The following MTIF2 variants were observed in gnomAD, a reference collection of about 807,000 sequenced individuals.
The protein encoded by MTIF2 is translation initiation factor IF-2, mitochondrial.
Under a neutral mutation model 83.5 loss-of-function variants are expected in MTIF2, and 71 were observed. The ratio of observed to expected loss-of-function variants is 0.85; its 90% CI spans 0.70 to 1.04. The LOEUF (loss-of-function observed/expected upper bound fraction) is 1.04, where lower values mean the gene tolerates loss of function less well. MTIF2 is among the 50% of genes least tolerant of loss of function. The probability of loss-of-function intolerance (pLI) is 0.00; values close to 1 mark genes in which losing one functional copy is unlikely to be tolerated. For synonymous variants in MTIF2, 319 were observed against 287.1 expected (o/e 1.11, Z -1.12); for missense variants, 957 against 846.5 (o/e 1.13, Z -1.62).
intron 8 of MTIF2, 129 bp downstream of exon 8, chr2:55,252,348 T>C: frequency 1.3e-6 from 1 of 778,702 alleles, no homozygotes; most frequent in East Asian, 2.6e-5. Flanking sequence ...AAACAATTTA[T>C]CTTTGAGGCT....
Position 55,240,117 on chromosome 2 carries a change from T to C in MTIF2, c.1764A>G (p.Lys588=). 6.2e-7 allele frequency: 1 copy of C among 1,614,066 alleles called. No homozygotes were observed. The highest frequency in any genetic ancestry group is 8.5e-7 in the Non-Finnish European group (1 of 1,179,992). Residue 588 remains lysine, a synonymous_variant, in exon 14 of 16, where the codon AAA becomes AAG. Coordinates refer to ENST00000263629, the MANE Select transcript of MTIF2 (RefSeq NM_002453.3). Reference sequence around the variant, plus strand: ...TGTGAAGTTTAATTTTTACTCCTTTTTTTGCAGCTGACTGTTGGATAACAT... The same window carrying C: ...TGTGAAGTTTAATTTTTACTCCTTTCTTTGCAGCTGACTGTTGGATAACAT... ...AGNVIQQSAA[K]KGVKIKLHKI...
Position 55,263,678 on chromosome 2 carries a change from C to A in MTIF2, c.181G>T (p.Ala61Ser), listed in dbSNP as rs796266398. Residue 61 changes from alanine (A) to serine (S), a missense_variant, in exon 4 of 16, where the codon GCT (alanine) becomes TCT (serine). Coordinates refer to ENST00000263629, the MANE Select transcript of MTIF2 (RefSeq NM_002453.3). ...AGAAGCCTATACTGAGATAAAGCAG[C>A]CCCAGTGAGCACATCTGTTGGCCAG... ...WPWPTDVLTG[A>S]ALSQYRLLVT... 1.2e-6 allele frequency: 2 copies of A among 1,613,996 alleles called. No individual in the cohort carries two copies. Among genetic ancestry groups the A allele is most frequent in the East Asian group, 2.2e-5 (1 of 44,870 alleles).
At chr2:55,242,797 T>C in intron 13 of MTIF2, 143 bp downstream of exon 13, 1 of 757,756 alleles carries the variant, frequency 1.3e-6, no homozygotes, top group East Asian at 2.8e-5. Flanking sequence ...TTTCAATTGC[T>C]AGCTGGGACT....
chr2:55,265,575 G>A (rs1279473752), intron 3 of MTIF2, among the ~76,000 whole-genome samples: 2 of 151,830 alleles, frequency 1.3e-5, no homozygotes, highest in East Asian at 1.9e-4. Context: ...CAAGTAGTGG[G>A]TATAGCCTTT....
intron 5 of MTIF2, among the ~76,000 whole-genome samples, chr2:55,259,613 A>G (rs944347992): frequency 6.6e-6 from 1 of 152,138 alleles, no homozygotes; most frequent in Admixed American, 6.6e-5. Flanking sequence ...AGCTTATTCC[A>G]TTCTTTCTGC....
At chr2:55,268,803 G>A (rs1159756380) in intron 1 of MTIF2, 64 bp from the exon 2 acceptor site, 3 of 152,236 alleles carry the variant, frequency 2.0e-5, no homozygotes, top group African/African-American at 7.2e-5. Context: ...TGAGCTGGAA[G>A]CTTTGGAACT....
At chr2:55,261,584 G>C (rs55997390) in intron 5 of MTIF2, among the ~76,000 whole-genome samples, 105,803 of 151,580 alleles carry the variant, frequency 0.7, 38,155 homozygotes, top group Non-Finnish European at 0.79. Context: ...TCCAGCCTGG[G>C]CAACGAGAGT....
chr2:55,252,442 T>C, intron 8 of MTIF2, 35 bp downstream of exon 8: 2 of 1,586,630 alleles, frequency 1.3e-6, no homozygotes, highest in Non-Finnish European at 1.7e-6. Context: ...ACTTTGACTT[T>C]ATGTAGTAGA....
At chr2:55,261,956 A>T (rs1319746430) in intron 5 of MTIF2, among the ~76,000 whole-genome samples, 1 of 149,192 alleles carries the variant, frequency 6.7e-6, no homozygotes, top group East Asian at 2.0e-4. Context: ...AAAAAAAAAA[A>T]GAAAGAAAAA....
intron 5 of MTIF2, among the ~76,000 whole-genome samples, chr2:55,260,618 C>A (rs1280765122): frequency 6.6e-6 from 1 of 152,238 alleles, no homozygotes; most frequent in East Asian, 1.9e-4. Flanking sequence ...TCCCCATATT[C>A]CCTAGGTTCA....
At chr2:55,250,091 C>T (rs1676985336) in intron 8 of MTIF2, among the ~76,000 whole-genome samples, 1 of 151,892 alleles carries the variant, frequency 6.6e-6, no homozygotes, top group African/African-American at 2.4e-5. Flanking sequence ...AGACTCCATC[C>T]CAGAAAAAAC....
At chr2:55,265,527 T>G (rs1272057433) in intron 3 of MTIF2, among the ~76,000 whole-genome samples, 2 of 152,018 alleles carry the variant, frequency 1.3e-5, no homozygotes, top group Non-Finnish European at 2.9e-5. Flanking sequence ...AAGGTTTTTT[T>G]TGTTTGTCTG....
intron 8 of MTIF2, among the ~76,000 whole-genome samples, chr2:55,252,034 G>C (rs75179297): frequency 0.11 from 16,619 of 152,216 alleles, 1,117 homozygotes; most frequent in East Asian, 0.28. Flanking sequence ...TTATACATTT[G>C]ATCAGATAAG....
intron 3 of MTIF2, 70 bp downstream of exon 3, chr2:55,267,499 C>A (rs1275076954): frequency 6.3e-6 from 1 of 159,404 alleles, no homozygotes; most frequent in Non-Finnish European, 1.5e-5. Context: ...GAAATGATAA[C>A]AGAAACAAGT....
Position 55,246,418 on chromosome 2 carries a change from G to A in MTIF2, c.1025C>T (p.Ala342Val), listed in dbSNP as rs1373125144. ...MALAEATVAL[A>V]EMLELKADPN... ...ATCTGCTTTCAATTCTAACATTTCTGCAAGAGCAACTGTTGCTTCTGCCAA... is the reference window on the plus strand; with the variant it reads ...ATCTGCTTTCAATTCTAACATTTCTACAAGAGCAACTGTTGCTTCTGCCAA... Residue 342 changes from alanine to valine, a missense_variant, in exon 10 of 16, where the codon GCA becomes GTA. Transcript: ENST00000263629. 1 of 1,613,628 alleles carries A rather than the reference G, an allele frequency of 6.2e-7. No homozygotes were observed. Among genetic ancestry groups the A allele is most frequent in the South Asian group, 1.1e-5 (1 of 91,076 alleles).
chr2:55,246,066 T>A (rs1343166175), intron 10 of MTIF2, among the ~76,000 whole-genome samples: 1 of 152,094 alleles, frequency 6.6e-6, no homozygotes, highest in Non-Finnish European at 1.5e-5. Flanking sequence ...GTCGAGTCAG[T>A]GAGGGAAAAA....
intron 8 of MTIF2, among the ~76,000 whole-genome samples, chr2:55,250,893 TGAGG>T: frequency 6.6e-6 from 1 of 152,200 alleles, no homozygotes; most frequent in South Asian, 2.1e-4. Context: ...GTGGATCACC[TGAGG>T]TCAGGAGTTT....
At chr2:55,262,541 C>CCT (rs1678095578) in intron 4 of MTIF2, 114 bp from the exon 5 acceptor site, 45 of 285,178 alleles carry the variant, frequency 1.6e-4, no homozygotes, top group African/African-American at 1.4e-3. Context: ...CTTTTTTTTT[C>CCT]TTTTTTTTTT....
chr2:55,268,231 C>T (rs1678581470), intron 2 of MTIF2, among the ~76,000 whole-genome samples: 1 of 151,338 alleles, frequency 6.6e-6, no homozygotes, highest in Non-Finnish European at 1.5e-5. Flanking sequence ...CCAGCCTGGG[C>T]GACAGTGAGA....
Sources: gnomAD v4.1 joint callset for allele counts (sites outside exome capture counted in the v4.1 genomes callset) on GRCh38, gnomAD v4.1.1 for gene constraint, MANE v1.5 for transcripts, NCBI Gene and HGNC (gene_info 2026-07-23, HGNC 2026-07-21) for gene names.